SCML2: variants seen among roughly 807,000 people sequenced by gnomAD.
SCML2 encodes the protein sex comb on midleg-like protein 2.
In SCML2, 6 loss-of-function variants were observed where a neutral mutation model predicts 48.4. That is an observed-to-expected ratio of 0.12 (90% CI 0.07 to 0.24). SCML2 has a LOEUF of 0.24. Ranked by LOEUF, SCML2 falls within the 10% of genes least tolerant of loss-of-function variation. SCML2 has a pLI of 1.00. For synonymous variants in SCML2, 181 were observed against 189.5 expected (o/e 0.95, Z 0.37); for missense variants, 377 against 528.2 (o/e 0.71, Z 2.81).
intron 6 of SCML2, among the ~76,000 whole-genome samples, chrX:18,315,522 G>A: frequency 9.0e-6 from 1 of 111,466 alleles, no homozygotes; most frequent in Non-Finnish European, 1.9e-5. Flanking sequence ...GGCAAGAGGA[G>A]AGCCTTATAA....
In SCML2 at chrX:18,241,588, T is replaced by C. The variant is rs1926266308; in HGVS notation, c.1975-209A>G. ...TAGTTCAAACTTTAAGAAAATTTAA[T>C]CTTGTATCTTCAAAAAATGTCCCAA... On this transcript the variant is annotated intron_variant, in intron 14 of 14. Coordinates refer to ENST00000251900, the MANE Select transcript of SCML2 (RefSeq NM_006089.3). Among the ~76,000 whole-genome samples, 4 of 112,438 alleles carry C rather than the reference T, an allele frequency of 3.6e-5. No homozygotes were observed. In the South Asian group the frequency reaches 1.5e-3, roughly 41 times the overall value.
intron 2 of SCML2, 92 bp from the exon 3 acceptor site, chrX:18,330,747 C>T (rs1929629279): frequency 2.1e-6 from 1 of 478,770 alleles, no homozygotes; most frequent in African/African-American, 2.5e-5. Context: ...TTTAAAGAGC[C>T]AATTTTAGTT....
rs762422520 is a variant in SCML2, at chrX:18,242,602, G to A, written c.1823-12C>T. 3.3e-6 allele frequency: 4 copies of A among 1,194,976 alleles called. No individual in the cohort carries two copies. The East Asian group carries it at 9.0e-5, about 27-fold the overall frequency. On this transcript the variant is annotated splice_polypyrimidine_tract_variant and intron_variant, in intron 13 of 14. Transcript: ENST00000251900. ...TATATAACTTGGAGCTTCAATGGGGGGGAAAAAAGACAAATCATACTTGAC... is the reference window on the plus strand; with the variant it reads ...TATATAACTTGGAGCTTCAATGGGGAGGAAAAAAGACAAATCATACTTGAC...
At chrX:18,314,810 C>T (rs1312233605) in intron 6 of SCML2, among the ~76,000 whole-genome samples, 2 of 111,229 alleles carry the variant, frequency 1.8e-5, no homozygotes, top group South Asian at 7.6e-4. Context: ...AGGAATGGGC[C>T]GGACACAGTG....
intron 1 of SCML2, among the ~76,000 whole-genome samples, chrX:18,340,329 A>C (rs1929972567): frequency 8.9e-6 from 1 of 112,044 alleles, no homozygotes; most frequent in African/African-American, 3.2e-5. Context: ...GGATCGCTTG[A>C]GCCTGGGAGG....
chrX:18,338,536 G>A (rs1929910458), intron 1 of SCML2, among the ~76,000 whole-genome samples: 1 of 109,611 alleles, frequency 9.1e-6, no homozygotes, highest in Admixed American at 9.8e-5. Flanking sequence ...ACTCACAGAA[G>A]TACAGAGCAG....
intron 7 of SCML2, among the ~76,000 whole-genome samples, chrX:18,268,885 T>C (rs1927351916): frequency 9.0e-6 from 1 of 111,403 alleles, no homozygotes; most frequent in African/African-American, 3.3e-5. Context: ...AATTATCTCT[T>C]CTCTCCTCAA....
chrX:18,321,799 T>C (rs1212763795), intron 5 of SCML2, among the ~76,000 whole-genome samples: 4 of 111,368 alleles, frequency 3.6e-5, no homozygotes, highest in Non-Finnish European at 7.5e-5. Flanking sequence ...TTTACTTAAT[T>C]CTGTAATTGC....
chrX:18,261,118 T>C (rs1927047168), intron 8 of SCML2, among the ~76,000 whole-genome samples: 1 of 109,276 alleles, frequency 9.2e-6, no homozygotes, highest in Admixed American at 9.6e-5. Context: ...ACCACATTTT[T>C]TGTTTATTTA....
intron 7 of SCML2, among the ~76,000 whole-genome samples, chrX:18,278,446 G>A (rs776447068): frequency 1.6e-4 from 18 of 112,010 alleles, no homozygotes; most frequent in Admixed American, 5.6e-4. Context: ...ATGGACATGT[G>A]AATTGGCAGG....
At chrX:18,285,344 C>T (rs1303197640) in intron 7 of SCML2, among the ~76,000 whole-genome samples, 1 of 108,614 alleles carries the variant, frequency 9.2e-6, no homozygotes, top group African/African-American at 3.4e-5. Flanking sequence ...AAATGTGGTA[C>T]ATATACACCA....
In SCML2 at chrX:18,337,305, C is replaced by CAAAAAA. The variant is rs770888184; in HGVS notation, c.-24-3216_-24-3211dup. ...TGGGCGACAGAGCAAGACTCTGTCT[C>CAAAAAA]AAAAAAAAAAAAAAAAAAAAAAAAA... On this transcript the variant is annotated intron_variant, in intron 1 of 14. Transcript: ENST00000251900. Among the ~76,000 whole-genome samples, 7 of 5,061 alleles carry CAAAAAA rather than the reference C, an allele frequency of 1.4e-3. 2 individuals carry two copies. Among genetic ancestry groups the CAAAAAA allele is most frequent in the African/African-American group, 4.1e-3 (7 of 1,717 alleles). The allele number at this position is 5,061 out of a possible 115,157, so 4.4% of individuals were successfully genotyped here.
intron 7 of SCML2, among the ~76,000 whole-genome samples, chrX:18,282,043 A>C (rs1927877627): frequency 9.0e-6 from 1 of 110,579 alleles, no homozygotes; most frequent in Non-Finnish European, 1.9e-5. Flanking sequence ...GAATCACTTG[A>C]ACCCAGGAGG....
intron 6 of SCML2, among the ~76,000 whole-genome samples, chrX:18,313,721 G>A (rs1033933648): frequency 2.7e-5 from 3 of 111,795 alleles, no homozygotes; most frequent in Non-Finnish European, 5.6e-5. Flanking sequence ...TTCTCCTTGA[G>A]ATAAATGATG....
At chrX:18,301,754 G>A (rs748469760) in intron 7 of SCML2, among the ~76,000 whole-genome samples, 1 of 111,513 alleles carries the variant, frequency 9.0e-6, no homozygotes, top group East Asian at 2.8e-4. Flanking sequence ...TCCAGCCTGG[G>A]TGTCACGGCG....
At chrX:18,327,244 C>T (rs1269598142) in intron 3 of SCML2, among the ~76,000 whole-genome samples, 1 of 109,814 alleles carries the variant, frequency 9.1e-6, no homozygotes, top group African/African-American at 3.3e-5. Flanking sequence ...TGGCGGGTGC[C>T]TCCCAGCTAC....
chrX:18,302,218 C>T (rs890989469), intron 7 of SCML2, among the ~76,000 whole-genome samples: 17 of 110,481 alleles, frequency 1.5e-4, no homozygotes, highest in Non-Finnish European at 3.2e-4. Flanking sequence ...TTTAAAGAAG[C>T]CGAGTAACCA....
intron 1 of SCML2, among the ~76,000 whole-genome samples, chrX:18,344,785 C>G (rs1370158621): frequency 9.0e-6 from 1 of 111,185 alleles, no homozygotes; most frequent in African/African-American, 3.3e-5. Context: ...ATGTCTTTAT[C>G]GGCAGCGTGA....
At chrX:18,340,670 C>T (rs922434989) in intron 1 of SCML2, among the ~76,000 whole-genome samples, 11 of 109,120 alleles carry the variant, frequency 1.0e-4, no homozygotes, top group African/African-American at 3.3e-4. Flanking sequence ...ATTAGCCAGA[C>T]GTGATGGCAG....
Sources: allele counts gnomAD v4.1 joint callset (sites outside exome capture counted in the v4.1 genomes callset), GRCh38; gene constraint gnomAD v4.1.1; transcripts MANE v1.5; gene names NCBI Gene and HGNC (gene_info 2026-07-23, HGNC 2026-07-21).